Variants in WSCD1 observed in about 807,000 individuals in gnomAD.
WSCD1 encodes sialate:O-sulfotransferase 1.
A neutral mutation model predicts 60.4 loss-of-function variants in WSCD1; 41 were observed. The ratio of observed to expected loss-of-function variants is 0.68; its 90% CI spans 0.53 to 0.88. The LOEUF (loss-of-function observed/expected upper bound fraction) is 0.88, where lower values mean the gene tolerates loss of function less well. WSCD1 is among the 40% of genes least tolerant of loss of function. WSCD1 has a pLI of 0.00. For synonymous variants in WSCD1, 361 were observed against 332.5 expected (o/e 1.09, Z -0.93); for missense variants, 784 against 796.2 (o/e 0.98, Z 0.18).
At chr17:6,081,973 G>A (rs890402268) in intron 2 of WSCD1, 2 of 152,198 alleles carry the variant, frequency 1.3e-5, no homozygotes, top group African/African-American at 4.8e-5. Flanking sequence ...GTCTCCAGGT[G>A]AGTCTGATGC....
chr17:6,095,801 A>G (rs1287989237), intron 5 of WSCD1, among the ~76,000 whole-genome samples: 1 of 152,182 alleles, frequency 6.6e-6, no homozygotes, highest in Admixed American at 6.5e-5. Flanking sequence ...GGAGTGTGTG[A>G]AGCAAGGCTG....
rs987306689 is a variant in WSCD1, at chr17:6,118,173, A to G, written c.1360A>G (p.Asn454Asp). 2 of 1,614,150 alleles carry G rather than the reference A, an allele frequency of 1.2e-6. No individual in the cohort carries two copies. The highest frequency in any genetic ancestry group is 2.2e-5 in the South Asian group (2 of 91,080). ...GCACCTGGGATATGCAGCTGACCGC[A>G]ACTGGAAGAGCAAAGGTAATCAAGG... ...AGHLGYAADR[N>D]WKSKEWPDFV... Residue 454 changes from asparagine (N) to aspartate (D), a missense_variant, in exon 8 of 9, where the codon AAC becomes GAC. Transcript: ENST00000317744. The surrounding 1 kb of genome is among the most constrained non-coding windows in gnomAD (Gnocchi z 5.8).
chr17:6,104,397 A>G (rs1028575565), intron 5 of WSCD1, among the ~76,000 whole-genome samples: 5 of 152,306 alleles, frequency 3.3e-5, no homozygotes, highest in Admixed American at 3.3e-4. Context: ...TACAGATGAT[A>G]AAGCCAAGGC....
chr17:6,097,740 CTT>C (rs1217180932), intron 5 of WSCD1, among the ~76,000 whole-genome samples: 1 of 152,122 alleles, frequency 6.6e-6, no homozygotes, highest in Non-Finnish European at 1.5e-5. Flanking sequence ...GACTGAGTGT[CTT>C]TATCATTTTG....
At position 6,110,673 on chromosome 17, in the gene WSCD1, G is replaced by T; in HGVS notation, c.1010-98G>T. 2.1e-6 allele frequency: 3 copies of T among 1,433,880 alleles called. No homozygotes were observed. Among genetic ancestry groups the T allele is most frequent in the Non-Finnish European group, 2.8e-6 (3 of 1,058,494 alleles). The allele number at this position is 1,433,880 out of a possible 1,614,324, so 88.8% of individuals were successfully genotyped here. On this transcript the variant is annotated intron_variant, in intron 6 of 8. Coordinates refer to ENST00000317744, the MANE Select transcript of WSCD1 (RefSeq NM_015253.2). This position sits in a 1 kb window ranked among gnomAD's most constrained non-coding sequence, Gnocchi z 4.8. Reference sequence around the variant, plus strand: ...GCCTTGGTTCCCCCATCTATTAAATGGGAGTCTTCGTTCATCAGTTCCTCT... The same window carrying T: ...GCCTTGGTTCCCCCATCTATTAAATTGGAGTCTTCGTTCATCAGTTCCTCT...
At chr17:6,086,894 C>T (rs974334569) in intron 2 of WSCD1, among the ~76,000 whole-genome samples, 18 of 152,182 alleles carry the variant, frequency 1.2e-4, no homozygotes, top group African/African-American at 4.1e-4. Flanking sequence ...CGCTTGGGAG[C>T]CACTGGCAGG....
rs767600866 is a variant in WSCD1, at chr17:6,088,054, T to C, written c.492T>C (p.Tyr164=). The C allele has an allele frequency of 1.9e-5, 31 of 1,614,092 alleles. No individual in the cohort carries two copies. The highest frequency in any genetic ancestry group is 2.5e-5 in the Non-Finnish European group (29 of 1,180,042). Residue 164 remains tyrosine (Y), a synonymous_variant, in exon 3 of 9, where the codon TAT becomes TAC. Coordinates refer to ENST00000317744, the MANE Select transcript of WSCD1 (RefSeq NM_015253.2). ...GGACTCTGAAAGGAGCTGTGTTTTA[T>C]GACTTGAGAAAGATGACTGTCTCCC... ...HERTLKGAVF[Y]DLRKMTVSHC... is the part of the protein sequence containing the mutation.
rs2302836 is a variant in WSCD1, at chr17:6,088,024, C to T, written c.462C>T (p.His154=). Residue 154 remains histidine, a synonymous_variant, in exon 3 of 9, where the codon CAC becomes CAT. Coordinates refer to ENST00000317744, the MANE Select transcript of WSCD1 (RefSeq NM_015253.2). The part of the protein sequence containing the change: ...TYIGCFSDDG[H]ERTLKGAVFY... ...TTGGATGCTTCAGTGACGATGGCCA[C>T]GAGAGGACTCTGAAAGGAGCTGTGT... 864,741 of 1,612,842 alleles carry T rather than the reference C, an allele frequency of 0.54. 240,362 individuals carry two copies. Among genetic ancestry groups the T allele is most frequent in the East Asian group, 0.86 (38,457 of 44,854 alleles).
At position 6,120,557 on chromosome 17, in the gene WSCD1, A is replaced by G. The variant is rs2150574317; in HGVS notation, c.1624A>G (p.Thr542Ala). The change falls in exon 9 of 9, where the codon ACC (threonine) becomes GCC (alanine). Residue 542 changes from threonine to alanine, a missense_variant. Physicochemically the swap from Thr to Ala is moderately conservative, Grantham distance 58. Coordinates refer to ENST00000317744, the MANE Select transcript of WSCD1 (RefSeq NM_015253.2). The part of the protein sequence containing the change: ...GRRSHDPEPF[T>A]PEMKDLINGY... Reference sequence around the variant, plus strand: ...GCGCTCCCACGACCCTGAGCCCTTCACCCCGGAGATGAAAGACTTGATCAA... The same window carrying G: ...GCGCTCCCACGACCCTGAGCCCTTCGCCCCGGAGATGAAAGACTTGATCAA... 1 of 1,613,692 alleles carries G rather than the reference A, an allele frequency of 6.2e-7. No individual in the cohort carries two copies. The highest frequency in any genetic ancestry group is 1.1e-5 in the South Asian group (1 of 91,076).
intron 2 of WSCD1, chr17:6,081,935 G>A (rs925051986): frequency 3.3e-5 from 5 of 152,108 alleles, no homozygotes; most frequent in African/African-American, 1.2e-4. Flanking sequence ...CTCTGGGGTA[G>A]GGGCCAGCAG....
In WSCD1 at chr17:6,120,307, A is replaced by G. The variant is rs936091315; in HGVS notation, c.1376-2A>G. 6.2e-7 allele frequency: 1 copy of G among 1,612,638 alleles called. No homozygotes were observed. Among genetic ancestry groups the G allele is most frequent in the Non-Finnish European group, 8.5e-7 (1 of 1,179,182 alleles). On this transcript the variant is annotated splice_acceptor_variant, in intron 8 of 8. Coordinates refer to ENST00000317744, the MANE Select transcript of WSCD1 (RefSeq NM_015253.2). LOFTEE classifies it high-confidence loss of function. ...TCTGCATCTCTCCTGTCCTCACTCT[A>G]GAGTGGCCGGACTTTGTCAACAGCT...
At chr17:6,078,324 G>C (rs2150529024) in intron 1 of WSCD1, among the ~76,000 whole-genome samples, 1 of 152,316 alleles carries the variant, frequency 6.6e-6, no homozygotes, top group South Asian at 2.1e-4. Flanking sequence ...GGACAGTTCT[G>C]ATCAACCCCG....
intron 2 of WSCD1, 159 bp from the exon 3 acceptor site, chr17:6,087,831 G>A: frequency 1.7e-6 from 1 of 589,750 alleles, no homozygotes; most frequent in Non-Finnish European, 3.0e-6. Context: ...TGCTCACTTT[G>A]CTCAGCACTG....
chr17:6,108,203 A>T (rs189926570), intron 5 of WSCD1, among the ~76,000 whole-genome samples: 61 of 152,304 alleles, frequency 4.0e-4, no homozygotes, highest in African/African-American at 1.5e-3. Flanking sequence ...GTCTTTTATG[A>T]GTGCCCAAAT....
At chr17:6,117,887 C>G (rs1904388435) in intron 7 of WSCD1, 101 bp from the exon 8 acceptor site, 2 of 1,257,442 alleles carry the variant, frequency 1.6e-6, no homozygotes, top group Non-Finnish European at 2.3e-6. Context: ...TGGGCCCTCT[C>G]TTATGCCCCT....
chr17:6,114,378 G>T (rs1037819851), intron 7 of WSCD1, among the ~76,000 whole-genome samples: 1 of 151,896 alleles, frequency 6.6e-6, no homozygotes, highest in Non-Finnish European at 1.5e-5. Context: ...GGGAGATGTT[G>T]GTTAAAGGAT....
chr17:6,076,470 C>T (rs958472231), intron 1 of WSCD1, among the ~76,000 whole-genome samples: 2 of 152,166 alleles, frequency 1.3e-5, no homozygotes, highest in Non-Finnish European at 2.9e-5. Context: ...TCTGACTTCA[C>T]CAGTGGCACA....
rs1911351812 is a variant in WSCD1 at position 6,110,553 on chromosome 17, A to G, written c.1010-218A>G. 6.6e-6 allele frequency among the ~76,000 whole-genome samples: 1 copy of G among 152,144 alleles called. No individual in the cohort carries two copies. The highest frequency in any genetic ancestry group is 2.1e-4 in the South Asian group (1 of 4,822). ...TGTCTGATTCCCATCTTACTCCTGCACTGCAGTATTGCAGGCCTCATTACG... is the reference window on the plus strand; with the variant it reads ...TGTCTGATTCCCATCTTACTCCTGCGCTGCAGTATTGCAGGCCTCATTACG... On this transcript the variant is annotated intron_variant, in intron 6 of 8. Coordinates refer to ENST00000317744, the MANE Select transcript of WSCD1 (RefSeq NM_015253.2). The surrounding 1 kb of genome is among the most constrained non-coding windows in gnomAD (Gnocchi z 4.8).
At chr17:6,116,185 A>G (rs540803354) in intron 7 of WSCD1, among the ~76,000 whole-genome samples, 7 of 152,292 alleles carry the variant, frequency 4.6e-5, no homozygotes, top group Non-Finnish European at 8.8e-5. Flanking sequence ...CCCAGGCTGC[A>G]GTTACCCACC....
Sources: allele counts gnomAD v4.1 joint callset (sites outside exome capture counted in the v4.1 genomes callset), GRCh38; gene constraint gnomAD v4.1.1; non-coding constraint Gnocchi (gnomAD v3.1); transcripts MANE v1.5; gene names NCBI Gene and HGNC (gene_info 2026-07-23, HGNC 2026-07-21).